Variants in ANKRD18A observed in about 807,000 individuals in gnomAD.
ANKRD18A encodes ankyrin repeat domain 18A, also known as ankyrin repeat domain-containing protein 18A.
ANKRD18A carries 72 observed loss-of-function variants against 110.6 expected under a neutral mutation model. That is an observed-to-expected ratio of 0.65 (90% confidence interval 0.54 to 0.79). ANKRD18A has a LOEUF of 0.79. Ranked by LOEUF, ANKRD18A falls within the 30% of genes least tolerant of loss-of-function variation. The probability of loss-of-function intolerance (pLI) is 0.00; values close to 1 mark genes in which losing one functional copy is unlikely to be tolerated. For missense variants in ANKRD18A, 934 were observed against 1,163.3 expected (o/e 0.80, Z 2.87); for synonymous variants, 305 against 410.3 (o/e 0.74, Z 3.10).
At chr9:38,573,218 A>G in intron 15 of ANKRD18A, 2 of 655,326 alleles carry the variant, frequency 3.1e-6, no homozygotes, top group Admixed American at 8.6e-5. Flanking sequence ...TGTGGCCCTT[A>G]GTATTTTTAG....
At chr9:38,614,732 A>T (rs1444604354) in intron 3 of ANKRD18A, among the ~76,000 whole-genome samples, 12 of 152,152 alleles carry the variant, frequency 7.9e-5, no homozygotes, top group African/African-American at 2.9e-4. Context: ...TATATCAGGG[A>T]CAAGTAAACT....
At chr9:38,586,955 G>T (rs188216657) in intron 11 of ANKRD18A, among the ~76,000 whole-genome samples, 7 of 152,212 alleles carry the variant, frequency 4.6e-5, no homozygotes, top group Admixed American at 3.3e-4. Flanking sequence ...GCATAACCGA[G>T]AGATGAGTAA....
At chr9:38,612,764 G>A (rs548830532) in intron 3 of ANKRD18A, among the ~76,000 whole-genome samples, 1 of 151,892 alleles carries the variant, frequency 6.6e-6, no homozygotes, top group African/African-American at 2.4e-5. Flanking sequence ...TGATCTGCCC[G>A]CCTCAGCCTC....
chr9:38,606,132 C>G (rs536405891), intron 6 of ANKRD18A, among the ~76,000 whole-genome samples: 3 of 152,244 alleles, frequency 2.0e-5, no homozygotes, highest in Non-Finnish European at 4.4e-5. Flanking sequence ...TAGCTATCTT[C>G]AAAAATAATC....
rs1346449286 is a variant in ANKRD18A at position 38,575,620 on chromosome 9, AAG to A, written c.2818_2819del (p.Leu940SerfsTer12). 1.9e-6 allele frequency: 3 copies of A among 1,551,602 alleles called. No individual in the cohort carries two copies. In the East Asian group the frequency reaches 7.3e-5, roughly 38 times the overall value. On this transcript the variant is annotated frameshift_variant, in exon 15 of 16. Coordinates refer to ENST00000399703, the MANE Select transcript of ANKRD18A (RefSeq NM_147195.4). LOFTEE classifies it high-confidence loss of function. ...GTAACTCTGGTTCTGGCCTTGTAGG[AAG>A]AGTGCTGAGAAAATATTTCATCCGC... ...KQRMKYFLSTLPTRPEPELPC... is the reference protein window; with the variant it reads ...KQRMKYFLSTXPTRPEPELPC...
At chr9:38,577,002 G>A (rs3124034) in intron 14 of ANKRD18A, 51 bp downstream of exon 14, 532,712 of 1,496,162 alleles carry the variant, frequency 0.36, 102,612 homozygotes, top group African/African-American at 0.76. Context: ...ATGCTTTTAA[G>A]ACAAATTAAT....
chr9:38,570,432 GT>G (rs1275212154), downstream of ANKRD18A, among the ~76,000 whole-genome samples: 1 of 151,858 alleles, frequency 6.6e-6, no homozygotes, highest in Non-Finnish European at 1.5e-5. Context: ...CCACCGACCA[GT>G]TTTTTATTGT....
Position 38,578,152 on chromosome 9 carries a change from C to A in ANKRD18A, c.2248-4G>T, listed in dbSNP as rs1823991355. ...TCTCGGCCACAAGATCATTAAACTG[C>A]ATTAAGAAAATAATAGAGCTTGATA... On this transcript the variant is annotated splice_region_variant and splice_polypyrimidine_tract_variant and intron_variant, in intron 12 of 15. Coordinates refer to ENST00000399703, the MANE Select transcript of ANKRD18A (RefSeq NM_147195.4). The A allele has an allele frequency of 6.5e-7, 1 of 1,536,488 alleles. No individual in the cohort carries two copies. Among genetic ancestry groups the A allele is most frequent in the African/African-American group, 1.4e-5 (1 of 71,814 alleles).
At chr9:38,618,740 T>C (rs1404259636) in intron 1 of ANKRD18A, among the ~76,000 whole-genome samples, 1 of 152,130 alleles carries the variant, frequency 6.6e-6, no homozygotes, top group African/African-American at 2.4e-5. Context: ...TTTTTTCCTA[T>C]GTACATAAGT....
intron 8 of ANKRD18A, 32 bp downstream of exon 8, chr9:38,601,099 G>C (rs1280864598): frequency 6.5e-7 from 1 of 1,533,606 alleles, no homozygotes; most frequent in Admixed American, 2.0e-5. Flanking sequence ...AAACAAACCA[G>C]TATTAAACCA....
chr9:38,568,610 G>T (rs187012464), downstream of ANKRD18A, among the ~76,000 whole-genome samples: 4 of 151,858 alleles, frequency 2.6e-5, no homozygotes, highest in Admixed American at 2.0e-4. Flanking sequence ...CGGTCCACTT[G>T]CTCCAGGCAC....
At chr9:38,580,967 A>G (rs1053191120) in intron 12 of ANKRD18A, among the ~76,000 whole-genome samples, 1 of 152,236 alleles carries the variant, frequency 6.6e-6, no homozygotes, top group Admixed American at 6.5e-5. Context: ...GGTTCCAGCC[A>G]GTGGCCAGCA....
In ANKRD18A at chr9:38,616,227, A is replaced by T. The variant is rs375817299; in HGVS notation, c.207-183T>A. Among the ~76,000 whole-genome samples, 124 of 152,300 alleles carry T rather than the reference A, an allele frequency of 8.1e-4. 3 individuals are homozygous for T. In the East Asian group the frequency reaches 0.019, roughly 23 times the overall value. On this transcript the variant is annotated intron_variant, in intron 1 of 15. Coordinates refer to ENST00000399703, the MANE Select transcript of ANKRD18A (RefSeq NM_147195.4). ...CCCTACCTTAATGAAACAGCAGCCT[A>T]TTTGGATAGAATGAGCTTGGTGTTT...
At chr9:38,586,158 T>C (rs775869807) in intron 12 of ANKRD18A, 25 bp downstream of exon 12, 1 of 1,567,984 alleles carries the variant, frequency 6.4e-7, no homozygotes, top group South Asian at 1.2e-5. Flanking sequence ...GACCTTAAGA[T>C]AAAATAATAA....
rs187799444 is a variant in ANKRD18A, at chr9:38,572,054, C to A, written c.2970G>T (p.Leu990Phe). Reference protein sequence around the residue: ...NNCKNFLTEVLLC With the variant: ...NNCKNFLTEVFLC ...AGACGGGAGCAAGTGCTCAACATAG[C>A]AAAACCTGGAAAGAAAAAGAAAGGA... is the stretch of plus-strand genomic sequence containing the variant. Residue 990 changes from leucine to phenylalanine, a missense_variant, in exon 16 of 16, where the codon TTG (leucine) becomes TTT (phenylalanine). Coordinates refer to ENST00000399703, the MANE Select transcript of ANKRD18A (RefSeq NM_147195.4). 127 of 1,585,614 alleles carry A rather than the reference C, an allele frequency of 8.0e-5. No individual in the cohort carries two copies. The East Asian group carries it at 2.2e-3, about 28-fold the overall frequency.
intron 3 of ANKRD18A, among the ~76,000 whole-genome samples, chr9:38,614,737 T>G (rs1825783349): frequency 6.6e-6 from 1 of 152,170 alleles, no homozygotes; most frequent in South Asian, 2.1e-4. Flanking sequence ...CAGGGACAAG[T>G]AAACTCAAAA....
intron 5 of ANKRD18A, among the ~76,000 whole-genome samples, chr9:38,609,645 T>C (rs1219798334): frequency 1.3e-5 from 2 of 151,792 alleles, no homozygotes; most frequent in Non-Finnish European, 2.9e-5. Context: ...AGCAAGTGAA[T>C]CAATGGAAAC....
At chr9:38,601,279 C>T in intron 7 of ANKRD18A, 75 bp from the exon 8 acceptor site, 7 of 1,311,706 alleles carry the variant, frequency 5.3e-6, no homozygotes, top group Non-Finnish European at 7.3e-6. Context: ...TACAGAACAA[C>T]ACACACTTTT....
Position 38,596,393 on chromosome 9 carries a change from C to T in ANKRD18A, c.947G>A (p.Ser316Asn). The T allele has an allele frequency of 3.5e-6, 5 of 1,445,640 alleles. No homozygotes were observed. The highest frequency in any genetic ancestry group is 3.6e-6 in the Non-Finnish European group (4 of 1,099,728). 89.6% of individuals were successfully genotyped at this position (1,445,640 alleles called of 1,614,324 possible). Residue 316 changes from serine (S) to asparagine (N), a missense_variant, in exon 9 of 16, where the codon AGT (serine) becomes AAT (asparagine). Physicochemically the swap from Ser to Asn is conservative, Grantham distance 46. Transcript: ENST00000399703. ...SENKQPQDSQ[S>N]YGKKKDAMYG... ...CATCGCATCCTTCTTTTTTCCGTAA[C>T]TTTGAGAATCCTAAATAAAACAAAA...
Sources: gnomAD v4.1 joint callset for allele counts (sites outside exome capture counted in the v4.1 genomes callset) on GRCh38, gnomAD v4.1.1 for gene constraint, MANE v1.5 for transcripts, NCBI Gene and HGNC (gene_info 2026-07-23, HGNC 2026-07-21) for gene names.